Variants in SPTLC2 observed in about 807,000 individuals in gnomAD.
SPTLC2 encodes the protein serine palmitoyltransferase long chain base subunit 2.
Under a neutral mutation model 62.0 loss-of-function variants are expected in SPTLC2, and 21 were observed. The observed-to-expected ratio is 0.34, with a 90% CI of 0.24 to 0.49. The LOEUF is 0.49. Among genes scored for constraint, SPTLC2 ranks in the 20% least tolerant of loss-of-function variants. SPTLC2 has a pLI of 0.99. For missense variants in SPTLC2, 511 were observed against 713.0 expected, an observed-to-expected ratio of 0.72 and a Z score of 3.23; for synonymous variants, 261 against 261.8, an observed-to-expected ratio of 1.00 and a Z score of 0.03.
In SPTLC2 at chr14:77,508,267, T is replaced by G. The variant is rs375398402; in HGVS notation, c.*4017A>C. 7 of 152,348 alleles carry G rather than the reference T, an allele frequency of 4.6e-5. No homozygotes were observed. Among genetic ancestry groups the G allele is most frequent in the Admixed American group, 2.6e-4 (4 of 15,298 alleles). 9.4% of individuals were successfully genotyped at this position (152,348 alleles called of 1,614,324 possible). ...ATAATCTTCATGAATGTGGACAGTT[T>G]GAAGGAAAACCACTACTCTCACCTC... On this transcript the variant is annotated 3_prime_UTR_variant, in exon 12 of 12. Coordinates refer to ENST00000216484, the MANE Select transcript of SPTLC2 (RefSeq NM_004863.4).
At chr14:77,607,449 T>C (rs1199475763) in intron 1 of SPTLC2, among the ~76,000 whole-genome samples, 1 of 152,242 alleles carries the variant, frequency 6.6e-6, no homozygotes, top group African/African-American at 2.4e-5. Flanking sequence ...CACCAATCAA[T>C]ACATTTTCCA....
chr14:77,554,528 C>G (rs2079572532), intron 8 of SPTLC2, among the ~76,000 whole-genome samples: 1 of 152,190 alleles, frequency 6.6e-6, no homozygotes, highest in African/African-American at 2.4e-5. Context: ...TGACTTTTTT[C>G]ACTTACCATA....
intron 9 of SPTLC2, among the ~76,000 whole-genome samples, chr14:77,550,458 C>T (rs1413684880): frequency 6.6e-6 from 1 of 152,152 alleles, no homozygotes; most frequent in Non-Finnish European, 1.5e-5. Context: ...CCTGTAATCC[C>T]AGCTACTCGG....
chr14:77,586,665 G>A (rs192244061), intron 2 of SPTLC2, among the ~76,000 whole-genome samples: 4 of 152,230 alleles, frequency 2.6e-5, no homozygotes, highest in African/African-American at 7.2e-5. Context: ...GATGGTAGAC[G>A]CAAAATACTT....
intron 4 of SPTLC2, among the ~76,000 whole-genome samples, chr14:77,573,852 G>C (rs1395980450): frequency 6.6e-6 from 1 of 152,120 alleles, no homozygotes; most frequent in African/African-American, 2.4e-5. Context: ...GGCTGGTCTT[G>C]AACTCCTGAC....
In SPTLC2 at chr14:77,512,427, A is replaced by T. The variant is rs761937586; in HGVS notation, c.1570-24T>A. On this transcript the variant is annotated intron_variant, in intron 11 of 11. Coordinates refer to ENST00000216484, the MANE Select transcript of SPTLC2 (RefSeq NM_004863.4). ...GCCTAAAATACACAAGACAAAGTAGAGGTCTGTCAGAGCCAGTAGGATGCA... is the reference window on the plus strand; with the variant it reads ...GCCTAAAATACACAAGACAAAGTAGTGGTCTGTCAGAGCCAGTAGGATGCA... The T allele has an allele frequency of 6.2e-6, 10 of 1,614,072 alleles. No individual in the cohort carries two copies. In the African/African-American group the frequency reaches 1.3e-4, roughly 22 times the overall value.
chr14:77,518,217 C>T, intron 10 of SPTLC2, 50 bp from the exon 11 acceptor site: 5 of 1,612,532 alleles, frequency 3.1e-6, no homozygotes, highest in Non-Finnish European at 4.2e-6. Flanking sequence ...AAAAAGCACT[C>T]ATTACAGAGG....
chr14:77,567,049 C>A (rs2079649267), intron 5 of SPTLC2, among the ~76,000 whole-genome samples: 1 of 152,040 alleles, frequency 6.6e-6, no homozygotes, highest in South Asian at 2.1e-4. Flanking sequence ...CGGCTCACTG[C>A]CAGCTCCGCC....
intron 5 of SPTLC2, among the ~76,000 whole-genome samples, chr14:77,568,732 C>T (rs28540783): frequency 0.061 from 8,974 of 148,322 alleles, 291 homozygotes; most frequent in Middle Eastern, 0.13. Context: ...GGCGTGAACC[C>T]GGGAGGCAGA....
chr14:77,530,855 T>G (rs1364418422), intron 9 of SPTLC2, among the ~76,000 whole-genome samples: 1 of 152,202 alleles, frequency 6.6e-6, no homozygotes, highest in Non-Finnish European at 1.5e-5. Context: ...AAGGGAATGT[T>G]AAGTATTTAA....
At chr14:77,559,466 G>A (rs2079603163) in intron 6 of SPTLC2, among the ~76,000 whole-genome samples, 1 of 151,960 alleles carries the variant, frequency 6.6e-6, no homozygotes, top group Non-Finnish European at 1.5e-5. Context: ...AAACATGAAA[G>A]AATAACATTA....
At chr14:77,579,136 A>C (rs1406789138) in intron 2 of SPTLC2, 27 bp from the exon 3 acceptor site, 1 of 1,612,910 alleles carries the variant, frequency 6.2e-7, no homozygotes, top group Non-Finnish European at 8.5e-7. Context: ...ACATACCATA[A>C]ATTTAACTGA....
intron 9 of SPTLC2, among the ~76,000 whole-genome samples, chr14:77,544,745 A>C (rs985533560): frequency 7.2e-5 from 11 of 152,188 alleles, no homozygotes; most frequent in Non-Finnish European, 1.6e-4. Flanking sequence ...TAAAGTCCTG[A>C]CGTTGCGCCT....
intron 8 of SPTLC2, 51 bp from the exon 9 acceptor site, chr14:77,552,273 G>T: frequency 6.2e-7 from 1 of 1,604,660 alleles, no homozygotes; most frequent in Non-Finnish European, 8.5e-7. Flanking sequence ...GCATTCACCG[G>T]CAATGTCAGT....
intron 8 of SPTLC2, among the ~76,000 whole-genome samples, chr14:77,553,443 C>T (rs1016678009): frequency 6.6e-6 from 1 of 152,034 alleles, no homozygotes; most frequent in African/African-American, 2.4e-5. Context: ...AAAAATCTAT[C>T]AAACCTGGCC....
In SPTLC2 at chr14:77,515,292, T is replaced by C. The variant is rs185939294; in HGVS notation, c.1569+2746A>G. ...ATACATTTGAGGATCAGCCTTTTAA[T>C]TTCTGCAAAAAAGGGCCAGTGGCTT... On this transcript the variant is annotated intron_variant, in intron 11 of 11. Coordinates refer to ENST00000216484, the MANE Select transcript of SPTLC2 (RefSeq NM_004863.4). Among the ~76,000 whole-genome samples the C allele has an allele frequency of 2.6e-5, 4 of 152,296 alleles. No individual in the cohort carries two copies. The East Asian group carries it at 7.7e-4, about 29-fold the overall frequency.
intron 1 of SPTLC2, among the ~76,000 whole-genome samples, chr14:77,598,094 C>T: frequency 6.8e-6 from 1 of 148,090 alleles, no homozygotes; most frequent in Non-Finnish European, 1.5e-5. Flanking sequence ...TGCACTCCAG[C>T]CTGGGAAATA....
At chr14:77,611,323 T>C (rs1347985366) in intron 1 of SPTLC2, among the ~76,000 whole-genome samples, 2 of 150,580 alleles carry the variant, frequency 1.3e-5, no homozygotes, top group South Asian at 2.1e-4. Context: ...ATTAGCCCAC[T>C]GTAGTGGTGC....
At chr14:77,608,903 T>C (rs184408763) in intron 1 of SPTLC2, among the ~76,000 whole-genome samples, 3 of 145,034 alleles carry the variant, frequency 2.1e-5, no homozygotes, top group East Asian at 4.1e-4. Flanking sequence ...GGGTGACAGA[T>C]TGAGGCTCCA....
Sources: allele counts gnomAD v4.1 joint callset (sites outside exome capture counted in the v4.1 genomes callset), GRCh38; gene constraint gnomAD v4.1.1; transcripts MANE v1.5; gene names NCBI Gene and HGNC (gene_info 2026-07-23, HGNC 2026-07-21).